SDCBP: variants seen among roughly 807,000 people sequenced by gnomAD.
SDCBP encodes syndecan binding protein.
SDCBP carries 22 observed loss-of-function variants against 30.5 expected under a neutral mutation model. The ratio of observed to expected loss-of-function variants is 0.72; its 90% CI spans 0.52 to 1.03. The LOEUF (loss-of-function observed/expected upper bound fraction) is 1.03. Ranked by LOEUF, SDCBP falls within the 50% of genes least tolerant of loss-of-function variation. The pLI is 0.00. For synonymous variants in SDCBP, 103 were observed against 118.7 expected, an observed-to-expected ratio of 0.87 and a Z score of 0.86; for missense variants, 304 against 369.9, an observed-to-expected ratio of 0.82 and a Z score of 1.46.
At chr8:58,573,926 G>A (rs1429470650) in intron 4 of SDCBP, among the ~76,000 whole-genome samples, 1 of 152,092 alleles carries the variant, frequency 6.6e-6, no homozygotes, top group Non-Finnish European at 1.5e-5. Context: ...GTTTCTCCTT[G>A]AAAGATGAAT....
At chr8:58,573,421 A>G (rs756241716) in intron 4 of SDCBP, among the ~76,000 whole-genome samples, 2 of 152,252 alleles carry the variant, frequency 1.3e-5, no homozygotes, top group Non-Finnish European at 2.9e-5. Flanking sequence ...TGAAAAAAAC[A>G]TAAATGGACA....
In SDCBP at chr8:58,582,557, G is replaced by A. The variant is rs1308695325; in HGVS notation, c.*817G>A. 6.6e-6 allele frequency: 1 copy of A among 152,596 alleles called. No homozygotes were observed. The highest frequency in any genetic ancestry group is 1.5e-5 in the Non-Finnish European group (1 of 68,020). 9.5% of individuals were successfully genotyped at this position (152,596 alleles called of 1,614,324 possible). ...TAAAAGTTGCCAGTGCCACTTTTAA[G>A]AAGTGAATCACTATATGTGATGTAA... On this transcript the variant is annotated 3_prime_UTR_variant, in exon 9 of 9. Transcript: ENST00000260130.
chr8:58,574,564 T>C (rs2078112088), intron 4 of SDCBP, among the ~76,000 whole-genome samples: 1 of 151,586 alleles, frequency 6.6e-6, no homozygotes. Context: ...GCGCCGCCTT[T>C]TATTTTTCTT....
intron 4 of SDCBP, among the ~76,000 whole-genome samples, chr8:58,574,787 A>C (rs1281374453): frequency 6.6e-6 from 1 of 152,176 alleles, no homozygotes; most frequent in Non-Finnish European, 1.5e-5. Flanking sequence ...AACACACACA[A>C]ACACACATTG....
intron 7 of SDCBP, 29 bp downstream of exon 7, chr8:58,579,823 G>A: frequency 6.5e-7 from 1 of 1,542,042 alleles, no homozygotes; most frequent in Middle Eastern, 1.7e-4. Flanking sequence ...GCCATGTTCT[G>A]CTGCAGTTTT....
At chr8:58,555,197 A>G (rs1283042896) in intron 1 of SDCBP, among the ~76,000 whole-genome samples, 1 of 152,136 alleles carries the variant, frequency 6.6e-6, no homozygotes, top group African/African-American at 2.4e-5. Context: ...CAACTTTTAC[A>G]TATGTTGCTT....
chr8:58,579,968 C>A, intron 7 of SDCBP, 174 bp downstream of exon 7: 1 of 506,086 alleles, frequency 2.0e-6, no homozygotes, highest in Non-Finnish European at 3.4e-6. Context: ...TCTAGAACTA[C>A]AGTTCCTATA....
At chr8:58,555,470 A>G (rs1359075823) in intron 1 of SDCBP, among the ~76,000 whole-genome samples, 4 of 152,190 alleles carry the variant, frequency 2.6e-5, no homozygotes, top group East Asian at 1.9e-4. Context: ...AGTGGACTTC[A>G]TATGGACATA....
intron 2 of SDCBP, among the ~76,000 whole-genome samples, chr8:58,568,346 T>C (rs1282114883): frequency 1.3e-5 from 2 of 152,142 alleles, no homozygotes; most frequent in African/African-American, 4.8e-5. Context: ...GTCTTCCACC[T>C]CCACATCATC....
At chr8:58,567,981 G>A (rs546686090) in intron 2 of SDCBP, among the ~76,000 whole-genome samples, 4 of 152,164 alleles carry the variant, frequency 2.6e-5, no homozygotes, top group Non-Finnish European at 5.9e-5. Context: ...TGAGTGAGCG[G>A]TGAGTGAATG....
At chr8:58,575,068 A>G (rs1045618119) in intron 4 of SDCBP, among the ~76,000 whole-genome samples, 1 of 151,958 alleles carries the variant, frequency 6.6e-6, no homozygotes, top group African/African-American at 2.4e-5. Context: ...TCTACTCTCT[A>G]TTTCTGTGAG....
At chr8:58,579,206 T>G (rs1805528972) in intron 6 of SDCBP, among the ~76,000 whole-genome samples, 1 of 151,516 alleles carries the variant, frequency 6.6e-6, no homozygotes, top group African/African-American at 2.4e-5. Context: ...TTTAAAGGTT[T>G]TAAATAAAAG....
intron 1 of SDCBP, among the ~76,000 whole-genome samples, chr8:58,555,103 T>A (rs1804024282): frequency 6.6e-6 from 1 of 152,196 alleles, no homozygotes; most frequent in Non-Finnish European, 1.5e-5. Context: ...TTTTTCCAGT[T>A]AGTGATCATA....
intron 1 of SDCBP, among the ~76,000 whole-genome samples, chr8:58,556,834 T>TATATATAAAATGTATGTATTATATATAAC (rs1181433322): frequency 2.1e-5 from 3 of 144,118 alleles, no homozygotes; most frequent in Non-Finnish European, 4.5e-5. Context: ...TAAATACATA[T>TATATATAAAATGTATGTATTATATATAAC]ATATATAAAA....
intron 1 of SDCBP, chr8:58,560,631 A>C (rs1239522872): frequency 6.6e-6 from 1 of 152,282 alleles, no homozygotes; most frequent in African/African-American, 2.4e-5. Context: ...CACAGGGAGC[A>C]AAAGATTATG....
At chr8:58,580,458 T>C (rs537987187) in intron 7 of SDCBP, 59 bp from the exon 8 acceptor site, 1 of 855,702 alleles carries the variant, frequency 1.2e-6, no homozygotes, top group African/African-American at 1.7e-5. Flanking sequence ...ACTGGCATAG[T>C]TTTGTATTTA....
chr8:58,562,487 A>C (rs1162948401), intron 1 of SDCBP, among the ~76,000 whole-genome samples: 7 of 152,156 alleles, frequency 4.6e-5, no homozygotes, highest in African/African-American at 1.7e-4. Flanking sequence ...TACTGGTATA[A>C]GGATAGACAT....
rs1385453807 is a variant in SDCBP at position 58,582,193 on chromosome 8, T to C, written c.*453T>C. On this transcript the variant is annotated 3_prime_UTR_variant, in exon 9 of 9. Transcript: ENST00000260130. ...GATTGCCTTTGATTTTTTTTTTAAATTCTGTGTGTGTGTGTGTAAAATGCC... is the reference window on the plus strand; with the variant it reads ...GATTGCCTTTGATTTTTTTTTTAAACTCTGTGTGTGTGTGTGTAAAATGCC... 1 of 156,516 alleles carries C rather than the reference T, an allele frequency of 6.4e-6. No individual in the cohort carries two copies. The highest frequency in any genetic ancestry group is 1.4e-5 in the Non-Finnish European group (1 of 71,002). 9.7% of individuals were successfully genotyped at this position (156,516 alleles called of 1,614,324 possible). A position where few individuals can be genotyped will look rare whatever the true frequency, so the allele number is the denominator to read the frequency against.
In SDCBP at chr8:58,569,528, A is replaced by G. The variant is rs1299559288; in HGVS notation, c.52-1359A>G. Reference sequence around the variant, plus strand: ...TATTTTATTATCTCCACAATTTTGCATTTTTCAAAATGTCGTATAGTTGGA... The same window carrying G: ...TATTTTATTATCTCCACAATTTTGCGTTTTTCAAAATGTCGTATAGTTGGA... On this transcript the variant is annotated intron_variant, in intron 2 of 8. Coordinates refer to ENST00000260130, the MANE Select transcript of SDCBP (RefSeq NM_005625.4). 2.6e-5 allele frequency among the ~76,000 whole-genome samples: 4 copies of G among 152,112 alleles called. No individual in the cohort carries two copies. The East Asian group carries it at 5.8e-4, about 22-fold the overall frequency.
Sources: allele counts gnomAD v4.1 joint callset (sites outside exome capture counted in the v4.1 genomes callset), GRCh38; gene constraint gnomAD v4.1.1; transcripts MANE v1.5; gene names NCBI Gene and HGNC (gene_info 2026-07-23, HGNC 2026-07-21).